SDC1: variants seen among roughly 807,000 people sequenced by gnomAD.
SDC1 encodes syndecan 1.
In SDC1, 14 loss-of-function variants were observed where a neutral mutation model predicts 29.7. The observed-to-expected ratio is 0.47, with a 90% CI of 0.31 to 0.74. The LOEUF (loss-of-function observed/expected upper bound fraction) is 0.74. Among genes scored for constraint, SDC1 ranks in the 30% least tolerant of loss-of-function variants. The pLI, the probability that SDC1 is intolerant of heterozygous loss-of-function variation, is 0.05. For synonymous variants in SDC1, 204 were observed against 175.5 expected, an observed-to-expected ratio of 1.16 and a Z score of -1.29; for missense variants, 406 against 400.3, an observed-to-expected ratio of 1.01 and a Z score of -0.12.
rs1677060816 is a variant in SDC1, at chr2:20,202,691, G to A, written c.*75C>T. 7.0e-7 allele frequency: 1 copy of A among 1,422,788 alleles called. No homozygotes were observed. Among genetic ancestry groups the A allele is most frequent in the Admixed American group, 2.1e-5 (1 of 47,850 alleles). The allele number at this position is 1,422,788 out of a possible 1,614,324, so 88.1% of individuals were successfully genotyped here. On this transcript the variant is annotated 3_prime_UTR_variant, in exon 5 of 5. Coordinates refer to ENST00000254351, the MANE Select transcript of SDC1 (RefSeq NM_002997.5). Reference sequence around the variant, plus strand: ...TGGCCTGGTGGCAGGGGAGGCCAGGGCCTGCAGTTCTTCAAGGAAGAGGCA... The same window carrying A: ...TGGCCTGGTGGCAGGGGAGGCCAGGACCTGCAGTTCTTCAAGGAAGAGGCA...
chr2:20,204,153 CCAGCCGGCA>C lies in SDC1; in HGVS notation c.278_286del (p.Leu93_Gly96delinsArg). 1 of 1,602,090 alleles carries C rather than the reference CCAGCCGGCA, an allele frequency of 6.2e-7. No homozygotes were observed. The highest frequency in any genetic ancestry group is 2.2e-5 in the East Asian group (1 of 44,862). ...AGCCTCTCCCTCCTTGGGCCCCTCT[CCAGCCGGCA>C]GGGTGGAGGTGGAGGCAGCTGTAGC... On this transcript the variant is annotated inframe_deletion, in exon 3 of 5. Coordinates refer to ENST00000254351, the MANE Select transcript of SDC1 (RefSeq NM_002997.5).
At chr2:20,216,777 CG>C (rs1677638074) in intron 1 of SDC1, among the ~76,000 whole-genome samples, 1 of 152,172 alleles carries the variant, frequency 6.6e-6, no homozygotes, top group Admixed American at 6.5e-5. Context: ...ACGAGCTCCT[CG>C]GCCCTCCAGA....
chr2:20,210,381 G>A (rs890896742), intron 1 of SDC1, among the ~76,000 whole-genome samples: 2 of 152,190 alleles, frequency 1.3e-5, no homozygotes, highest in Non-Finnish European at 2.9e-5. Flanking sequence ...CATATGGCCA[G>A]GTGTCCGGCT....
chr2:20,223,906 C>T (rs976320148), intron 1 of SDC1, among the ~76,000 whole-genome samples: 3 of 152,172 alleles, frequency 2.0e-5, no homozygotes, highest in Non-Finnish European at 4.4e-5. Flanking sequence ...CCTCTTACAG[C>T]CCCGAGCTCC....
intron 1 of SDC1, among the ~76,000 whole-genome samples, chr2:20,208,389 C>T (rs1677349154): frequency 6.6e-6 from 1 of 152,212 alleles, no homozygotes; most frequent in Admixed American, 6.5e-5. Context: ...TCCACTGAAA[C>T]CAGCTCCCTG....
intron 2 of SDC1, 73 bp from the exon 3 acceptor site, chr2:20,204,364 G>A (rs1324289535): frequency 4.2e-6 from 4 of 952,586 alleles, no homozygotes; most frequent in Non-Finnish European, 4.8e-6. Context: ...GTGTTGGGTG[G>A]GTCGGGGGAG....
At chr2:20,218,841 A>G (rs571159929) in intron 1 of SDC1, among the ~76,000 whole-genome samples, 1 of 152,246 alleles carries the variant, frequency 6.6e-6, no homozygotes, top group African/African-American at 2.4e-5. Context: ...ACAGACACAC[A>G]CACACACAGC....
rs920257735 is a variant in SDC1 at position 20,200,971 on chromosome 2, A to G, written c.*1795T>C. 2.0e-5 allele frequency: 3 copies of G among 152,212 alleles called. No homozygotes were observed. The highest frequency in any genetic ancestry group is 4.4e-5 in the Non-Finnish European group (3 of 68,062). 9.4% of individuals were successfully genotyped at this position (152,212 alleles called of 1,614,324 possible). On this transcript the variant is annotated 3_prime_UTR_variant, in exon 5 of 5. Coordinates refer to ENST00000254351, the MANE Select transcript of SDC1 (RefSeq NM_002997.5). ...AAAGTCGCAGTATCGAATACCGGAC[A>G]CAGGTTCCCTTGGCTTGGTGGTGCA...
At chr2:20,203,269 A>G in intron 3 of SDC1, 47 bp from the exon 4 acceptor site, 1 of 1,561,636 alleles carries the variant, frequency 6.4e-7, no homozygotes, top group Non-Finnish European at 8.7e-7. Context: ...CACCGCCAGC[A>G]GCAGCAACCA....
chr2:20,216,961 C>T (rs908393987), intron 1 of SDC1, among the ~76,000 whole-genome samples: 1 of 152,124 alleles, frequency 6.6e-6, no homozygotes, highest in African/African-American at 2.4e-5. Context: ...CTCACGCCAC[C>T]GTGGGGAAGA....
chr2:20,215,724 G>A (rs1449450551), intron 1 of SDC1, among the ~76,000 whole-genome samples: 1 of 152,262 alleles, frequency 6.6e-6, no homozygotes, highest in Non-Finnish European at 1.5e-5. Context: ...AACTGAGGCT[G>A]GGGTAGGTGA....
intron 1 of SDC1, among the ~76,000 whole-genome samples, chr2:20,220,749 G>T (rs1355838490): frequency 6.6e-6 from 1 of 152,200 alleles, no homozygotes; most frequent in African/African-American, 2.4e-5. Flanking sequence ...GTAAATTAGT[G>T]GCAGAGTTGA....
At position 20,205,308 on chromosome 2, in the gene SDC1, G is replaced by A. The variant is rs201351021; in HGVS notation, c.148+35C>T. 6.8e-5 allele frequency: 105 copies of A among 1,546,256 alleles called. No homozygotes were observed. The East Asian group carries it at 1.7e-3, about 25-fold the overall frequency. On this transcript the variant is annotated intron_variant, in intron 2 of 4. Coordinates refer to ENST00000254351, the MANE Select transcript of SDC1 (RefSeq NM_002997.5). ...CTGCCCACAGGCATGACCTGTTGCC[G>A]TCTTGGGTGGGGGGGGCCCCCATGA...
At chr2:20,221,073 C>T (rs1331214686) in intron 1 of SDC1, among the ~76,000 whole-genome samples, 2 of 152,104 alleles carry the variant, frequency 1.3e-5, no homozygotes, top group Non-Finnish European at 2.9e-5. Flanking sequence ...AAAGGCCTCA[C>T]CTTGGCAGCA....
intron 1 of SDC1, among the ~76,000 whole-genome samples, chr2:20,214,124 G>A (rs1677560909): frequency 6.6e-6 from 1 of 152,216 alleles, no homozygotes; most frequent in Non-Finnish European, 1.5e-5. Flanking sequence ...GAGGCTGGAA[G>A]ATGTCAAGGG....
rs1003399028 is a variant in SDC1 at position 20,203,904 on chromosome 2, T to C, written c.536A>G (p.His179Arg). 4.0e-5 allele frequency: 65 copies of C among 1,613,072 alleles called. No individual in the cohort carries two copies. Among genetic ancestry groups the C allele is most frequent in the Non-Finnish European group, 5.1e-5 (60 of 1,179,632 alleles). ...GPSQADLHTP[H>R]TEDGGPSATE... ...GGCAGAAGGACCTCCATCCTCTGTG[T>C]GGGGAGTGTGAAGGTCAGCTTGGCT... Residue 179 changes from histidine to arginine, a missense_variant, in exon 3 of 5, where the codon CAC becomes CGC. Physicochemically the swap from His to Arg is conservative, Grantham distance 29. Transcript: ENST00000254351.
intron 1 of SDC1, among the ~76,000 whole-genome samples, chr2:20,214,797 A>G (rs115928129): frequency 0.015 from 2,347 of 152,274 alleles, 67 homozygotes; most frequent in African/African-American, 0.053. Flanking sequence ...TGAAGAATAG[A>G]AACAACTGAA....
intron 1 of SDC1, among the ~76,000 whole-genome samples, chr2:20,216,069 CA>C (rs936080520): frequency 1.2e-4 from 18 of 152,344 alleles, no homozygotes; most frequent in African/African-American, 1.4e-4. Flanking sequence ...GGGAGGGAGG[CA>C]GGGGGCTCTA....
At chr2:20,221,028 A>G (rs1677799713) in intron 1 of SDC1, among the ~76,000 whole-genome samples, 1 of 152,170 alleles carries the variant, frequency 6.6e-6, no homozygotes, top group Admixed American at 6.5e-5. Context: ...TTCCCCCAAG[A>G]GATGACTCAT....
Sources: allele counts gnomAD v4.1 joint callset (sites outside exome capture counted in the v4.1 genomes callset), GRCh38; gene constraint gnomAD v4.1.1; transcripts MANE v1.5; gene names NCBI Gene and HGNC (gene_info 2026-07-23, HGNC 2026-07-21).